The following PARD3B variants were observed in gnomAD, a reference collection of about 807,000 sequenced individuals.
The protein encoded by PARD3B is partitioning defective 3 homolog B.
PARD3B carries 103 observed loss-of-function variants against 130.2 expected under a neutral mutation model. The ratio of observed to expected loss-of-function variants is 0.79; its 90% CI spans 0.67 to 0.93. The LOEUF (loss-of-function observed/expected upper bound fraction) is 0.93, where lower values mean the gene tolerates loss of function less well. Among genes scored for constraint, PARD3B ranks in the 40% least tolerant of loss-of-function variants. PARD3B has a pLI of 0.00. For synonymous variants in PARD3B, 583 were observed against 553.2 expected, an observed-to-expected ratio of 1.05 and a Z score of -0.76; for missense variants, 1,609 against 1,499.2, an observed-to-expected ratio of 1.07 and a Z score of -1.21.
chr2:205,454,585 T>C (rs2048208994), intron 20 of PARD3B, among the ~76,000 whole-genome samples: 1 of 152,130 alleles, frequency 6.6e-6, no homozygotes, highest in African/African-American at 2.4e-5. Context: ...CTCTGGATTT[T>C]CCCAAACTTG....
chr2:204,550,182 C>T (rs2030341744), intron 1 of PARD3B, among the ~76,000 whole-genome samples: 1 of 151,782 alleles, frequency 6.6e-6, no homozygotes, highest in African/African-American at 2.4e-5. Flanking sequence ...GCAGTGTTTG[C>T]ATGTAATCTA....
intron 3 of PARD3B, among the ~76,000 whole-genome samples, chr2:204,981,602 C>T (rs940218876): frequency 3.3e-5 from 5 of 152,172 alleles, no homozygotes; most frequent in African/African-American, 1.2e-4. Context: ...CTACCAGGCA[C>T]TTTTGTAGGT....
intron 1 of PARD3B, among the ~76,000 whole-genome samples, chr2:204,578,138 TAG>T: frequency 6.6e-6 from 1 of 152,310 alleles, no homozygotes; most frequent in South Asian, 2.1e-4. Context: ...ACCCTGTTTT[TAG>T]AGTGTTTTGC....
chr2:204,889,324 A>G (rs2046368747), intron 2 of PARD3B, among the ~76,000 whole-genome samples: 1 of 152,220 alleles, frequency 6.6e-6, no homozygotes, highest in Non-Finnish European at 1.5e-5. Context: ...AATAGCTTTT[A>G]TAGAGAATGC....
At chr2:205,595,665 G>C (rs531303503) in intron 22 of PARD3B, among the ~76,000 whole-genome samples, 2 of 152,276 alleles carry the variant, frequency 1.3e-5, no homozygotes, top group African/African-American at 4.8e-5. Flanking sequence ...ACAAATAGAA[G>C]AGAGGGTGAA....
intron 2 of PARD3B, among the ~76,000 whole-genome samples, chr2:204,961,563 A>C (rs1377612268): frequency 6.6e-6 from 1 of 152,156 alleles, no homozygotes; most frequent in Non-Finnish European, 1.5e-5. Flanking sequence ...ACCACTTAAA[A>C]TTTTGAATTT....
At chr2:205,045,028 G>C (rs1056349803) in intron 3 of PARD3B, among the ~76,000 whole-genome samples, 3 of 151,360 alleles carry the variant, frequency 2.0e-5, no homozygotes, top group Non-Finnish European at 4.4e-5. Context: ...TACTCAACAG[G>C]AGACATTCAG....
At position 205,366,362 on chromosome 2, in the gene PARD3B, A is replaced by C. The variant is rs1210886216; in HGVS notation, c.2631-34651A>C. Reference sequence around the variant, plus strand: ...CTCAAATTTGCTGTGCAGTGCTTACATGGACAGAGGTAAAGAATTTCCTAC... The same window carrying C: ...CTCAAATTTGCTGTGCAGTGCTTACCTGGACAGAGGTAAAGAATTTCCTAC... On this transcript the variant is annotated intron_variant, in intron 18 of 22. Transcript: ENST00000406610. The surrounding 1 kb of genome is among the most constrained non-coding windows in gnomAD (Gnocchi z 5.0). Among the ~76,000 whole-genome samples, 1 of 152,158 alleles carries C rather than the reference A, an allele frequency of 6.6e-6. No individual in the cohort carries two copies. The highest frequency in any genetic ancestry group is 1.5e-5 in the Non-Finnish European group (1 of 68,022).
chr2:205,476,748 T>C (rs2049036180), intron 20 of PARD3B, among the ~76,000 whole-genome samples: 1 of 152,214 alleles, frequency 6.6e-6, no homozygotes, highest in Non-Finnish European at 1.5e-5. Flanking sequence ...ATTTCTCTTT[T>C]ACACAGCAAT....
intron 2 of PARD3B, among the ~76,000 whole-genome samples, chr2:204,798,377 G>T (rs993623709): frequency 1.1e-4 from 16 of 152,166 alleles, no homozygotes; most frequent in African/African-American, 3.9e-4. Context: ...GTGGAGAATG[G>T]TCCATCCCCT....
At chr2:204,632,324 G>A (rs1005561467) in intron 1 of PARD3B, among the ~76,000 whole-genome samples, 1 of 152,084 alleles carries the variant, frequency 6.6e-6, no homozygotes, top group African/African-American at 2.4e-5. Flanking sequence ...AAATTACCCA[G>A]TCTCAGGCAG....
At chr2:205,601,053 G>T (rs573226325) in intron 22 of PARD3B, among the ~76,000 whole-genome samples, 1 of 152,252 alleles carries the variant, frequency 6.6e-6, no homozygotes, top group African/African-American at 2.4e-5. Flanking sequence ...TGGTATTTCT[G>T]GTTGTGGGTC....
intron 3 of PARD3B, among the ~76,000 whole-genome samples, chr2:205,036,949 A>G (rs892385895): frequency 4.0e-5 from 6 of 150,904 alleles, no homozygotes; most frequent in African/African-American, 1.5e-4. Flanking sequence ...GACTGTATAT[A>G]TAAAGAACAT....
intron 15 of PARD3B, among the ~76,000 whole-genome samples, chr2:205,201,115 C>T (rs1164063484): frequency 1.3e-5 from 2 of 151,950 alleles, no homozygotes; most frequent in African/African-American, 2.4e-5. Flanking sequence ...TGGTGAGAGG[C>T]CTAGAAACCA....
In PARD3B at chr2:204,997,035, C is replaced by G. The variant is rs985058759; in HGVS notation, c.394+31712C>G. ...CTCAGATGGAAATGCAGAAATCACC[C>G]GTCTTCTGCGTCGCTCACGCTGGGA... On this transcript the variant is annotated intron_variant, in intron 3 of 22. Transcript: ENST00000406610. 3.3e-5 allele frequency among the ~76,000 whole-genome samples: 5 copies of G among 152,226 alleles called. No individual in the cohort carries two copies. The East Asian group carries it at 7.7e-4, about 24-fold the overall frequency.
intron 2 of PARD3B, among the ~76,000 whole-genome samples, chr2:204,703,407 G>A (rs1264557074): frequency 2.0e-5 from 3 of 152,208 alleles, no homozygotes; most frequent in Admixed American, 6.5e-5. Flanking sequence ...GGGAATGGGA[G>A]AGGTTGGATG....
At chr2:205,607,867 C>A (rs2055069387) in intron 22 of PARD3B, among the ~76,000 whole-genome samples, 2 of 151,394 alleles carry the variant, frequency 1.3e-5, no homozygotes, top group Non-Finnish European at 3.0e-5. Context: ...CACACACACA[C>A]ACACACACAC....
intron 15 of PARD3B, among the ~76,000 whole-genome samples, chr2:205,239,990 GA>G (rs2039281216): frequency 6.6e-6 from 1 of 152,000 alleles, no homozygotes; most frequent in African/African-American, 2.4e-5. Flanking sequence ...ATAGATGGAA[GA>G]ATTTTTTAAC....
In PARD3B at chr2:205,331,782, C is replaced by CAAAAAAAAAAAAAAAAAAAAAAAAA. The variant is rs56654511; in HGVS notation, c.2630+30104_2630+30105insAAAAAAAAAAAAAAAAAAAAAAAAA. 8.3e-4 allele frequency among the ~76,000 whole-genome samples: 40 copies of CAAAAAAAAAAAAAAAAAAAAAAAAA among 48,402 alleles called. 5 individuals are homozygous for CAAAAAAAAAAAAAAAAAAAAAAAAA. Among genetic ancestry groups the CAAAAAAAAAAAAAAAAAAAAAAAAA allele is most frequent in the African/African-American group, 3.9e-3 (36 of 9,302 alleles). The allele number at this position is 48,402 out of a possible 152,430, so 31.8% of individuals were successfully genotyped here. A position where few individuals can be genotyped will look rare whatever the true frequency, so the allele number is the denominator to read the frequency against. ...TGGGCGACAGAGTGAGACTCCGTCT[C>CAAAAAAAAAAAAAAAAAAAAAAAAA]AAAAAAAAAAAAAAAAAAAAAAAGA... is the stretch of plus-strand genomic sequence containing the variant. On this transcript the variant is annotated intron_variant, in intron 18 of 22. Transcript: ENST00000406610.
Sources: allele counts gnomAD v4.1 joint callset (sites outside exome capture counted in the v4.1 genomes callset), GRCh38; gene constraint gnomAD v4.1.1; non-coding constraint Gnocchi (gnomAD v3.1); transcripts MANE v1.5; gene names NCBI Gene and HGNC (gene_info 2026-07-23, HGNC 2026-07-21).